ACAD11: variants seen among roughly 807,000 people sequenced by gnomAD.
ACAD11 encodes the protein acyl-Coenzyme A dehydrogenase family, member 11.
A neutral mutation model predicts 102.2 loss-of-function variants in ACAD11; 83 were observed. The observed-to-expected ratio is 0.81, with a 90% confidence interval of 0.68 to 0.97. The LOEUF (loss-of-function observed/expected upper bound fraction) is 0.97. ACAD11 is among the 50% of genes least tolerant of loss of function. ACAD11 has a pLI of 0.00. For missense variants in ACAD11, 901 were observed against 951.7 expected (o/e 0.95, Z 0.70); for synonymous variants, 324 against 319.8 (o/e 1.01, Z -0.14).
At chr3:132,608,687 AT>A (rs1168671103) in intron 11 of ACAD11, among the ~76,000 whole-genome samples, 2 of 152,168 alleles carry the variant, frequency 1.3e-5, no homozygotes, top group Non-Finnish European at 2.9e-5. Flanking sequence ...CCACACAATA[AT>A]AGTGGGAGAC....
At chr3:132,583,215 C>T (rs1937641238) in intron 13 of ACAD11, among the ~76,000 whole-genome samples, 1 of 152,106 alleles carries the variant, frequency 6.6e-6, no homozygotes, top group Non-Finnish European at 1.5e-5. Flanking sequence ...TTAATTATTG[C>T]CTCAATTTCA....
Position 132,644,845 on chromosome 3 carries a change from A to G in ACAD11, c.201T>C (p.Tyr67=), listed in dbSNP as rs757328960. The change falls in exon 2 of 20, where the codon TAT becomes TAC. Residue 67 remains tyrosine (Y), a synonymous_variant. Coordinates refer to ENST00000264990, the MANE Select transcript of ACAD11 (RefSeq NM_032169.5). ...AACCTGGTGGTTTTTTCCTGAGCACATATGTTTGAAAGCCCTTCTGGAGAT... is the reference window on the plus strand; with the variant it reads ...AACCTGGTGGTTTTTTCCTGAGCACGTATGTTTGAAAGCCCTTCTGGAGAT... ...TFYLQKGFQT[Y]VLRKKPPGSL... The G allele has an allele frequency of 6.2e-6, 10 of 1,612,794 alleles. No homozygotes were observed. The highest frequency in any genetic ancestry group is 1.3e-5 in the African/African-American group (1 of 74,844).
intron 11 of ACAD11, chr3:132,618,262 G>C (rs114253649): frequency 0.012 from 2,400 of 200,642 alleles, 71 homozygotes; most frequent in African/African-American, 0.052. Context: ...ATTGGTAAAT[G>C]AATGGTTTAT....
intron 15 of ACAD11, among the ~76,000 whole-genome samples, chr3:132,577,772 G>A (rs2107793284): frequency 6.6e-6 from 1 of 152,272 alleles, no homozygotes; most frequent in African/African-American, 2.4e-5. Context: ...GAGTTGGAGA[G>A]GTGCTAGTAA....
chr3:132,635,842 T>C (rs71315654), intron 5 of ACAD11, among the ~76,000 whole-genome samples: 1 of 151,904 alleles, frequency 6.6e-6, no homozygotes, highest in East Asian at 1.9e-4. Context: ...GCTTTTATTG[T>C]GGTTATATTA....
intron 9 of ACAD11, among the ~76,000 whole-genome samples, chr3:132,625,875 G>A (rs1265539172): frequency 6.6e-6 from 1 of 152,120 alleles, no homozygotes; most frequent in Non-Finnish European, 1.5e-5. Context: ...ACATTGTAGA[G>A]GAAAAAACTG....
intron 1 of ACAD11, among the ~76,000 whole-genome samples, chr3:132,655,608 TGTG>T (rs1937747611): frequency 6.6e-6 from 1 of 152,224 alleles, no homozygotes; most frequent in Non-Finnish European, 1.5e-5. Flanking sequence ...CTGAATGCCG[TGTG>T]CTCGAGGAAA....
chr3:132,613,557 G>A, intron 11 of ACAD11, among the ~76,000 whole-genome samples: 1 of 152,018 alleles, frequency 6.6e-6, no homozygotes, highest in East Asian at 1.9e-4. Context: ...AGGAAGAGAG[G>A]AAGTCAAATT....
chr3:132,656,278 A>G (rs1448930969), intron 1 of ACAD11, among the ~76,000 whole-genome samples: 3 of 152,206 alleles, frequency 2.0e-5, no homozygotes, highest in Non-Finnish European at 4.4e-5. Context: ...CAAACAGTAC[A>G]ATGAACATCT....
intron 5 of ACAD11, among the ~76,000 whole-genome samples, chr3:132,635,467 A>T (rs1449120275): frequency 6.6e-6 from 1 of 152,076 alleles, no homozygotes; most frequent in African/African-American, 2.4e-5. Context: ...GCAAACTTAC[A>T]CACATTCTTG....
In ACAD11 at chr3:132,605,314, C is replaced by T. The variant is rs1576582863; in HGVS notation, c.1415-109G>A. 5.0e-6 allele frequency: 3 copies of T among 595,286 alleles called. No homozygotes were observed. The East Asian group carries it at 9.0e-5, about 18-fold the overall frequency. 36.9% of individuals were successfully genotyped at this position (595,286 alleles called of 1,614,324 possible). A position where few individuals can be genotyped will look rare whatever the true frequency, so the allele number is the denominator to read the frequency against. On this transcript the variant is annotated intron_variant, in intron 11 of 19. Transcript: ENST00000264990. Reference sequence around the variant, plus strand: ...TGCATCTTTTTAAAGCAAATGTTTGCTAACAAAAATATTTTGAAATATATA... The same window carrying T: ...TGCATCTTTTTAAAGCAAATGTTTGTTAACAAAAATATTTTGAAATATATA...
chr3:132,609,016 C>T (rs1328349896), intron 11 of ACAD11, among the ~76,000 whole-genome samples: 1 of 152,132 alleles, frequency 6.6e-6, no homozygotes, highest in Non-Finnish European at 1.5e-5. Context: ...TATATGATAA[C>T]TGAACAACCT....
At chr3:132,578,665 A>T in intron 15 of ACAD11, 131 bp downstream of exon 15, 1 of 973,330 alleles carries the variant, frequency 1.0e-6, no homozygotes, top group African/African-American at 1.6e-5. Context: ...CATTTATATT[A>T]AGACAGTTGT....
Position 132,642,014 on chromosome 3 carries a change from C to A in ACAD11, c.495G>T (p.Gln165His). Residue 165 changes from glutamine (Q) to histidine (H), a missense_variant, in exon 4 of 20, where the codon CAG (glutamine) becomes CAT (histidine). Gln to His is a conservative substitution (Grantham distance 24). Transcript: ENST00000264990. ...CAGCACCTATACCATATCCTTCCAG[C>A]TGCAGTGACTGTATATTCAAGGAAT... ...QLHSLNIQSL[Q>H]LEGYGIGAGY... 4 of 1,613,956 alleles carry A rather than the reference C, an allele frequency of 2.5e-6. No individual in the cohort carries two copies. The highest frequency in any genetic ancestry group is 3.4e-6 in the Non-Finnish European group (4 of 1,179,908).
chr3:132,603,408 C>CAA, intron 12 of ACAD11, 81 bp from the exon 13 acceptor site: 1 of 1,248,492 alleles, frequency 8.0e-7, no homozygotes, highest in Non-Finnish European at 1.2e-6. Flanking sequence ...ACTTTAAAAA[C>CAA]AAAGACATCT....
intron 11 of ACAD11, among the ~76,000 whole-genome samples, chr3:132,608,209 G>A (rs1048588637): frequency 6.6e-6 from 1 of 152,100 alleles, no homozygotes; most frequent in Admixed American, 6.5e-5. Context: ...TAAAGAAACT[G>A]CATCAACTAA....
intron 5 of ACAD11, among the ~76,000 whole-genome samples, chr3:132,638,364 CTAAT>C (rs1348406207): frequency 4.6e-5 from 7 of 151,954 alleles, no homozygotes; most frequent in African/African-American, 7.2e-5. Flanking sequence ...TTTGGGGACT[CTAAT>C]TATTTCAAAA....
At chr3:132,613,636 C>T (rs1449284663) in intron 11 of ACAD11, among the ~76,000 whole-genome samples, 4 of 152,138 alleles carry the variant, frequency 2.6e-5, no homozygotes, top group South Asian at 2.1e-4. Flanking sequence ...CAGTGGCTCA[C>T]GCCTGTAATC....
chr3:132,575,481 CA>C lies in ACAD11; in HGVS notation c.2001+290del, dbSNP rs572676124. Among the ~76,000 whole-genome samples the C allele has an allele frequency of 1.4e-3, 210 of 152,280 alleles. 2 individuals carry two copies. The highest frequency in any genetic ancestry group is 4.9e-3 in the African/African-American group (205 of 41,550). On this transcript the variant is annotated intron_variant, in intron 17 of 19. Transcript: ENST00000264990. ...CCTTATGACAGCTCCTTCATGTCCA[CA>C]GGGAGCTCTAATGTTCCAGGTTCTC...
Sources: gnomAD v4.1 joint callset for allele counts (sites outside exome capture counted in the v4.1 genomes callset) on GRCh38, gnomAD v4.1.1 for gene constraint, MANE v1.5 for transcripts, NCBI Gene and HGNC (gene_info 2026-07-23, HGNC 2026-07-21) for gene names.